NIBAN2: variants seen among roughly 807,000 people sequenced by gnomAD.
NIBAN2 encodes the protein protein Niban 2.
NIBAN2 carries 36 observed loss-of-function variants against 81.8 expected under a neutral mutation model. That is an observed-to-expected ratio of 0.44 (90% CI 0.34 to 0.58). The LOEUF (loss-of-function observed/expected upper bound fraction) is 0.58, where lower values mean the gene tolerates loss of function less well. NIBAN2 is among the 20% of genes least tolerant of loss of function. The probability of loss-of-function intolerance (pLI) is 0.02; values close to 1 mark genes in which losing one functional copy is unlikely to be tolerated. For missense variants in NIBAN2, 897 were observed against 1,014.1 expected, an observed-to-expected ratio of 0.88 and a Z score of 1.57; for synonymous variants, 445 against 441.6, an observed-to-expected ratio of 1.01 and a Z score of -0.10.
In NIBAN2 at chr9:127,506,214, C is replaced by G. The variant is rs967362511; in HGVS notation, c.*631G>C. 3 of 152,658 alleles carry G rather than the reference C, an allele frequency of 2.0e-5. No individual in the cohort carries two copies. The highest frequency in any genetic ancestry group is 7.2e-5 in the African/African-American group (3 of 41,434). 9.5% of individuals were successfully genotyped at this position (152,658 alleles called of 1,614,324 possible). A position where few individuals can be genotyped will look rare whatever the true frequency, so the allele number is the denominator to read the frequency against. On this transcript the variant is annotated 3_prime_UTR_variant, in exon 14 of 14. Transcript: ENST00000373312. The stretch of plus-strand genomic sequence containing the variant: ...AGGACACTTCCCCTCCGCAGACCTG[C>G]ACGTTCTGGGCCTTTCTCATTTCAC...
At chr9:127,527,957 G>T (rs1267418690) in intron 2 of NIBAN2, among the ~76,000 whole-genome samples, 2 of 152,218 alleles carry the variant, frequency 1.3e-5, no homozygotes, top group African/African-American at 2.4e-5. Flanking sequence ...CCCGCGTCCT[G>T]GCAGGCTAGT....
Position 127,508,921 on chromosome 9 carries a change from G to A in NIBAN2, c.1317+55C>T. ...CAGAAGGGACCCCCTGGGCGAGGGG[G>A]CCTGTGGAAGGCAGTGGACAGGGTG... On this transcript the variant is annotated intron_variant, in intron 10 of 13. Coordinates refer to ENST00000373312, the MANE Select transcript of NIBAN2 (RefSeq NM_022833.4). The surrounding 1 kb of genome is among the most constrained non-coding windows in gnomAD (Gnocchi z 6.4). 6.3e-7 allele frequency: 1 copy of A among 1,598,534 alleles called. No individual in the cohort carries two copies. The highest frequency in any genetic ancestry group is 8.6e-7 in the Non-Finnish European group (1 of 1,167,988).
At chr9:127,546,245 C>T (rs558540568) in intron 1 of NIBAN2, among the ~76,000 whole-genome samples, 1 of 152,352 alleles carries the variant, frequency 6.6e-6, no homozygotes, top group South Asian at 2.1e-4. Context: ...TCACCACCCC[C>T]ACAGGAGCCT....
chr9:127,547,948 G>A (rs1837504208), intron 1 of NIBAN2, among the ~76,000 whole-genome samples: 1 of 152,236 alleles, frequency 6.6e-6, no homozygotes, highest in Non-Finnish European at 1.5e-5. Flanking sequence ...GGGCAAATGT[G>A]GGCTGGTGTT....
At position 127,527,112 on chromosome 9, in the gene NIBAN2, G is replaced by A. The variant is rs910954331; in HGVS notation, c.315+82C>T. ...TGCAGGCTGTGACGGTGGCGTCTGG[G>A]GCCTAAGTTTCCGAGTTGGGGGAGG... On this transcript the variant is annotated intron_variant, in intron 3 of 13. Coordinates refer to ENST00000373312, the MANE Select transcript of NIBAN2 (RefSeq NM_022833.4). 9 of 1,558,070 alleles carry A rather than the reference G, an allele frequency of 5.8e-6. No individual in the cohort carries two copies. The Middle Eastern group carries it at 6.5e-4, about 112-fold the overall frequency.
rs2249705 is a variant in NIBAN2, at chr9:127,563,086, G to C, written c.55+5734C>G. Among the ~76,000 whole-genome samples, 28,701 of 152,170 alleles carry C rather than the reference G, an allele frequency of 0.19. 3,242 individuals carry two copies. The highest frequency in any genetic ancestry group is 0.29 in the East Asian group (1,478 of 5,160). ...CACTCCTTGGACAGCAGGGAGGGCA[G>C]CCATGGCCCCGCGTGGGTTTAGAAA... On this transcript the variant is annotated intron_variant, in intron 1 of 13. Coordinates refer to ENST00000373312, the MANE Select transcript of NIBAN2 (RefSeq NM_022833.4). The surrounding 1 kb of genome is among the most constrained non-coding windows in gnomAD (Gnocchi z 4.1).
At position 127,505,667 on chromosome 9, in the gene NIBAN2, G is replaced by A. The variant is rs1236609815; in HGVS notation, c.*1178C>T. ...CCCTGCCCCCCGCAAAGCAGCAGGG[G>A]AGGGGGCCTGGGGGTCCTGGGGTGG... is the stretch of plus-strand genomic sequence containing the variant. On this transcript the variant is annotated 3_prime_UTR_variant, in exon 14 of 14. Transcript: ENST00000373312. The A allele has an allele frequency of 1.3e-5, 2 of 152,460 alleles. No individual in the cohort carries two copies. The highest frequency in any genetic ancestry group is 2.4e-5 in the African/African-American group (1 of 41,568). The allele number at this position is 152,460 out of a possible 1,614,324, so 9.4% of individuals were successfully genotyped here. A position where few individuals can be genotyped will look rare whatever the true frequency, so the allele number is the denominator to read the frequency against.
chr9:127,513,807 T>G (rs1448408649), intron 8 of NIBAN2, among the ~76,000 whole-genome samples: 3 of 152,224 alleles, frequency 2.0e-5, no homozygotes, highest in Non-Finnish European at 4.4e-5. Flanking sequence ...AAACTTGCTT[T>G]AACTCTATGG....
intron 3 of NIBAN2, 53 bp downstream of exon 3, chr9:127,527,141 C>T (rs1837084404): frequency 6.3e-7 from 1 of 1,599,714 alleles, no homozygotes; most frequent in Non-Finnish European, 8.5e-7. Flanking sequence ...GGGGAGGGGG[C>T]ACACATGGAG....
In NIBAN2 at chr9:127,559,599, C is replaced by A. The variant is rs1401714896; in HGVS notation, c.55+9221G>T. Among the ~76,000 whole-genome samples, 1 of 152,224 alleles carries A rather than the reference C, an allele frequency of 6.6e-6. No individual in the cohort carries two copies. On this transcript the variant is annotated intron_variant, in intron 1 of 13. Coordinates refer to ENST00000373312, the MANE Select transcript of NIBAN2 (RefSeq NM_022833.4). The surrounding 1 kb of genome is among the most constrained non-coding windows in gnomAD (Gnocchi z 4.0). ...TAAGCTTCACAAATTCGGCTGGACA[C>A]AAATAGTTCTGCTCAGCATGGGGCA...
chr9:127,546,013 C>T (rs533766518), intron 1 of NIBAN2, among the ~76,000 whole-genome samples: 2 of 152,164 alleles, frequency 1.3e-5, no homozygotes, highest in African/African-American at 4.8e-5. Flanking sequence ...GGTGCCGAGG[C>T]CCCCAGCAGC....
rs1167547286 is a variant in NIBAN2, at chr9:127,545,318, G to C, written c.56-13540C>G. On this transcript the variant is annotated intron_variant, in intron 1 of 13. Transcript: ENST00000373312. The surrounding 1 kb of genome is among the most constrained non-coding windows in gnomAD (Gnocchi z 4.7). ...TCCCACAGCCCCTGGCCTGCTCCCCGGCACTCCCCTCAACCACAGTTAATG... is the reference window on the plus strand; with the variant it reads ...TCCCACAGCCCCTGGCCTGCTCCCCCGCACTCCCCTCAACCACAGTTAATG... 6.6e-6 allele frequency among the ~76,000 whole-genome samples: 1 copy of C among 152,030 alleles called. No individual in the cohort carries two copies. The highest frequency in any genetic ancestry group is 1.5e-5 in the Non-Finnish European group (1 of 68,002).
At position 127,507,240 on chromosome 9, in the gene NIBAN2, G is replaced by A. The variant is rs956182494; in HGVS notation, c.1846C>T (p.Arg616Ter). The A allele has an allele frequency of 9.3e-6, 15 of 1,610,270 alleles. No individual in the cohort carries two copies. Among genetic ancestry groups the A allele is most frequent in the South Asian group, 2.2e-5 (2 of 91,010 alleles). Residue 616 changes from arginine (R) to a stop codon, truncating the protein, a stop_gained, in exon 14 of 14, where the codon CGA becomes TGA. Transcript: ENST00000373312. LOFTEE classifies it low-confidence loss of function (END_TRUNC). This position sits in a 1 kb window ranked among gnomAD's most constrained non-coding sequence, Gnocchi z 6.8. ...GAGACCACCTGCTTGGCGCGCCGTC[G>A]CTTTTCCGAGAGGGTGGCTGACTCC... is the stretch of plus-strand genomic sequence containing the variant. ...TPESATLSEK[R>*]RRAKQVVSVV...
At chr9:127,561,238 C>T in intron 1 of NIBAN2, 1 of 985,402 alleles carries the variant, frequency 1.0e-6, no homozygotes, top group Non-Finnish European at 1.2e-6. Flanking sequence ...CTCCTCTGAC[C>T]TTGGAAGGGA....
At chr9:127,556,692 C>G (rs754276044) in intron 1 of NIBAN2, among the ~76,000 whole-genome samples, 1 of 152,294 alleles carries the variant, frequency 6.6e-6, no homozygotes, top group Non-Finnish European at 1.5e-5. Context: ...GCTGGTGGAG[C>G]AAGTCTGAGC....
intron 5 of NIBAN2, among the ~76,000 whole-genome samples, chr9:127,519,609 G>A (rs1390710535): frequency 6.6e-6 from 1 of 152,248 alleles, no homozygotes; most frequent in East Asian, 1.9e-4. Flanking sequence ...ACTGCCTGTC[G>A]GAGCCGGGAG....
intron 2 of NIBAN2, among the ~76,000 whole-genome samples, chr9:127,529,570 G>A (rs1837140791): frequency 6.6e-6 from 1 of 152,200 alleles, no homozygotes; most frequent in Non-Finnish European, 1.5e-5. Flanking sequence ...AACCAGGGAG[G>A]TGGAGGTTGC....
Position 127,523,459 on chromosome 9 carries a change from A to G in NIBAN2, c.589+220T>C, listed in dbSNP as rs374952347. The stretch of plus-strand genomic sequence containing the variant: ...GGCTCAACAACCACACCCCTCTGTG[A>G]ATAATTTCCTACTTTTTTCCTGAGC... On this transcript the variant is annotated intron_variant, in intron 5 of 13. Coordinates refer to ENST00000373312, the MANE Select transcript of NIBAN2 (RefSeq NM_022833.4). Among the ~76,000 whole-genome samples the G allele has an allele frequency of 9.2e-5, 14 of 151,576 alleles. No homozygotes were observed. In the East Asian group the frequency reaches 2.7e-3, roughly 29 times the overall value.
intron 1 of NIBAN2, among the ~76,000 whole-genome samples, chr9:127,541,221 A>G (rs1359590013): frequency 6.6e-6 from 1 of 152,152 alleles, no homozygotes; most frequent in East Asian, 1.9e-4. Context: ...AGCACATCCA[A>G]CAGAGCTGGG....
Sources: allele counts gnomAD v4.1 joint callset (sites outside exome capture counted in the v4.1 genomes callset), GRCh38; gene constraint gnomAD v4.1.1; non-coding constraint Gnocchi (gnomAD v3.1); transcripts MANE v1.5; gene names NCBI Gene and HGNC (gene_info 2026-07-23, HGNC 2026-07-21).